Variants in SH3GL1 observed in about 807,000 individuals in gnomAD.
SH3GL1 encodes SH3 domain containing GRB2 like 1, endophilin A2.
In SH3GL1, 21 loss-of-function variants were observed where a neutral mutation model predicts 48.8. The observed-to-expected ratio is 0.43, with a 90% CI of 0.30 to 0.62. The LOEUF is 0.62. Ranked by LOEUF, SH3GL1 falls within the 20% of genes least tolerant of loss-of-function variation. The pLI is 0.11. For missense variants in SH3GL1, 454 were observed against 503.0 expected, an observed-to-expected ratio of 0.90 and a Z score of 0.93; for synonymous variants, 282 against 217.5, an observed-to-expected ratio of 1.30 and a Z score of -2.61.
chr19:4,362,408 G>A, intron 8 of SH3GL1, 23 bp from the exon 9 acceptor site: 1 of 1,605,512 alleles, frequency 6.2e-7, no homozygotes, highest in Non-Finnish European at 8.5e-7. Flanking sequence ...AAAACGAGGA[G>A]GCTGTGGGCT....
At position 4,367,364 on chromosome 19, in the gene SH3GL1, C is replaced by T. The variant is rs1006604414; in HGVS notation, c.46-370G>A. 2.6e-5 allele frequency among the ~76,000 whole-genome samples: 4 copies of T among 152,162 alleles called. No individual in the cohort carries two copies. Among genetic ancestry groups the T allele is most frequent in the Admixed American group, 2.0e-4 (3 of 15,284 alleles). On this transcript the variant is annotated intron_variant, in intron 1 of 9. Transcript: ENST00000269886. This position sits in a 1 kb window ranked among gnomAD's most constrained non-coding sequence, Gnocchi z 4.2. ...CTGCTTCCAGAAGCGCCTACACAAACATCCCCACAGATAGCAATGTGGGGA... is the reference window on the plus strand; with the variant it reads ...CTGCTTCCAGAAGCGCCTACACAAATATCCCCACAGATAGCAATGTGGGGA...
intron 1 of SH3GL1, among the ~76,000 whole-genome samples, chr19:4,381,817 C>T (rs889307859): frequency 2.7e-5 from 4 of 150,506 alleles, no homozygotes; most frequent in Admixed American, 6.6e-5. Flanking sequence ...CTCAGCCTCC[C>T]GAGTAGCTGG....
intron 3 of SH3GL1, among the ~76,000 whole-genome samples, chr19:4,366,066 C>T (rs539309559): frequency 7.2e-5 from 11 of 152,290 alleles, no homozygotes; most frequent in Admixed American, 3.3e-4. Context: ...GCCCCCTGTC[C>T]GTGGCCTCCT....
chr19:4,364,353 G>T, intron 4 of SH3GL1, 132 bp from the exon 5 acceptor site: 1 of 1,183,028 alleles, frequency 8.5e-7, no homozygotes, highest in Non-Finnish European at 1.2e-6. Context: ...CTCACTGCAG[G>T]CCTCAAACTG....
chr19:4,362,877 G>T, intron 7 of SH3GL1, 141 bp from the exon 8 acceptor site: 1 of 1,353,726 alleles, frequency 7.4e-7, no homozygotes, highest in Non-Finnish European at 1.0e-6. Flanking sequence ...ATGGACCCTG[G>T]GACACAGCTA....
At chr19:4,378,036 C>T (rs984405516) in intron 1 of SH3GL1, among the ~76,000 whole-genome samples, 4 of 152,214 alleles carry the variant, frequency 2.6e-5, no homozygotes, top group Non-Finnish European at 5.9e-5. Context: ...ACCCCAAGTT[C>T]TCTGTCCTCA....
At chr19:4,382,306 G>A (rs1443455534) in intron 1 of SH3GL1, among the ~76,000 whole-genome samples, 1 of 130,270 alleles carries the variant, frequency 7.7e-6, no homozygotes, top group East Asian at 2.2e-4. Flanking sequence ...CACCCAGGCT[G>A]GAGTGCAGTG....
At chr19:4,385,201 C>T (rs1186376737) in intron 1 of SH3GL1, among the ~76,000 whole-genome samples, 1 of 152,006 alleles carries the variant, frequency 6.6e-6, no homozygotes, top group East Asian at 1.9e-4. Flanking sequence ...CGTGTTTTGG[C>T]GCAGTGAACG....
intron 1 of SH3GL1, among the ~76,000 whole-genome samples, chr19:4,378,104 C>T (rs893654289): frequency 6.6e-6 from 1 of 152,244 alleles, no homozygotes; most frequent in Non-Finnish European, 1.5e-5. Context: ...AGAGGCAGCA[C>T]AGGGCCTGGC....
At position 4,364,081 on chromosome 19, in the gene SH3GL1, G is replaced by A. The variant is rs1176443394; in HGVS notation, c.465+7C>T. 3 of 1,612,056 alleles carry A rather than the reference G, an allele frequency of 1.9e-6. No individual in the cohort carries two copies. Among genetic ancestry groups the A allele is most frequent in the Admixed American group, 1.7e-5 (1 of 60,026 alleles). ...GGACAGGCCCCAGGCTGGCGCAGGA[G>A]CAGCACCTGGATCTCCTTCAGGTCT... is the stretch of plus-strand genomic sequence containing the variant. On this transcript the variant is annotated splice_region_variant and intron_variant, in intron 5 of 9. Coordinates refer to ENST00000269886, the MANE Select transcript of SH3GL1 (RefSeq NM_003025.4).
Position 4,361,066 on chromosome 19 carries a change from CG to C in SH3GL1, c.*533del, listed in dbSNP as rs1972594111. On this transcript the variant is annotated 3_prime_UTR_variant, in exon 10 of 10. Coordinates refer to ENST00000269886, the MANE Select transcript of SH3GL1 (RefSeq NM_003025.4). Reference sequence around the variant, plus strand: ...GAGGAGAAGGAGTGCGTGTGTGAGGCGGGGGTGCATTGGCCCTGGAGTAGGG... The same window carrying C: ...GAGGAGAAGGAGTGCGTGTGTGAGGCGGGGTGCATTGGCCCTGGAGTAGGG... 2 of 236,012 alleles carry C rather than the reference CG, an allele frequency of 8.5e-6. No homozygotes were observed. The highest frequency in any genetic ancestry group is 4.4e-5 in the African/African-American group (2 of 45,254). 14.6% of individuals were successfully genotyped at this position (236,012 alleles called of 1,614,324 possible).
intron 1 of SH3GL1, among the ~76,000 whole-genome samples, chr19:4,368,871 A>G (rs369461350): frequency 4.6e-5 from 7 of 152,168 alleles, no homozygotes; most frequent in African/African-American, 1.7e-4. Context: ...GGAGATCGAG[A>G]CCATCCTGGC....
chr19:4,394,187 A>G (rs2144926601), intron 1 of SH3GL1, among the ~76,000 whole-genome samples: 1 of 148,636 alleles, frequency 6.7e-6, no homozygotes, highest in East Asian at 2.0e-4. Flanking sequence ...CCCTAGTTAC[A>G]CTCTCAATCT....
intron 4 of SH3GL1, 41 bp from the exon 5 acceptor site, chr19:4,364,262 G>C (rs1398484756): frequency 1.2e-6 from 2 of 1,613,054 alleles, no homozygotes; most frequent in African/African-American, 2.7e-5. Context: ...ACCGGGCCTG[G>C]GACCACTAGA....
intron 2 of SH3GL1, among the ~76,000 whole-genome samples, 170 bp downstream of exon 2, chr19:4,366,756 G>A (rs540698781): frequency 6.6e-6 from 1 of 152,006 alleles, no homozygotes; most frequent in East Asian, 1.9e-4. Context: ...GAGAGCTGGT[G>A]CCCGTCAAGT....
chr19:4,360,806 G>C lies in SH3GL1; in HGVS notation c.*794C>G. ...TCCCGTGTGAGGTGTGCTGGGGTGG[G>C]TGTGGGTGGCTGGTGGTGGCAGCTT... is the stretch of plus-strand genomic sequence containing the variant. On this transcript the variant is annotated 3_prime_UTR_variant, in exon 10 of 10. Transcript: ENST00000269886. 4.3e-6 allele frequency: 1 copy of C among 234,202 alleles called. No individual in the cohort carries two copies. Among genetic ancestry groups the C allele is most frequent in the Non-Finnish European group, 8.4e-6 (1 of 118,660 alleles). 14.5% of individuals were successfully genotyped at this position (234,202 alleles called of 1,614,324 possible).
rs768521985 is a variant in SH3GL1 at position 4,362,340 on chromosome 19, C to T, written c.899G>A (p.Ser300Asn). The T allele has an allele frequency of 4.3e-6, 7 of 1,612,126 alleles. No individual in the cohort carries two copies. Among genetic ancestry groups the T allele is most frequent in the East Asian group, 4.5e-5 (2 of 44,832 alleles). The change falls in exon 9 of 10, where the codon AGC becomes AAC. Residue 300 changes from serine (S) to asparagine (N), a missense_variant. This residue lies in a region of SH3GL1 where 278 missense variants were observed against 246.8 expected (regional missense o/e 1.13). Transcript: ENST00000269886. ...RSSDKPIRTP[S>N]RSMPPLDQPS... ...CTGGGAACACTCACGCATGCTCCGG[C>T]TAGGGGTCCGGATGGGCTTGTCGGA... is the stretch of plus-strand genomic sequence containing the variant.
At chr19:4,383,904 A>G (rs190388446) in intron 1 of SH3GL1, among the ~76,000 whole-genome samples, 7 of 152,340 alleles carry the variant, frequency 4.6e-5, no homozygotes, top group African/African-American at 1.7e-4. Flanking sequence ...AGGAGAAGGC[A>G]GTGTGGCTTT....
At chr19:4,363,964 T>G in intron 5 of SH3GL1, 86 bp from the exon 6 acceptor site, 1 of 1,604,422 alleles carries the variant, frequency 6.2e-7, no homozygotes, top group African/African-American at 1.3e-5. Flanking sequence ...CCTGCACCAC[T>G]GGGGATCCTG....
Sources: gnomAD v4.1 joint callset for allele counts (sites outside exome capture counted in the v4.1 genomes callset) on GRCh38, gnomAD v4.1.1 for gene constraint, gnomAD v4.1.1 regional missense constraint, Gnocchi (gnomAD v3.1) non-coding constraint, MANE v1.5 for transcripts, NCBI Gene and HGNC (gene_info 2026-07-23, HGNC 2026-07-21) for gene names.